Variants in GSK3B observed in about 807,000 individuals in gnomAD.
The protein encoded by GSK3B is glycogen synthase kinase-3 beta.
Under a neutral mutation model 56.4 loss-of-function variants are expected in GSK3B, and 15 were observed. That is an observed-to-expected ratio of 0.27 (90% CI 0.18 to 0.41). The LOEUF is 0.41. GSK3B is among the 10% of genes least tolerant of loss of function. The pLI, the probability that GSK3B is intolerant of heterozygous loss-of-function variation, is 1.00. For synonymous variants in GSK3B, 181 were observed against 188.9 expected, an observed-to-expected ratio of 0.96 and a Z score of 0.34; for missense variants, 300 against 513.4, an observed-to-expected ratio of 0.58 and a Z score of 4.02.
intron 3 of GSK3B, 34 bp from the exon 4 acceptor site, chr3:119,923,517 A>C: frequency 9.8e-7 from 1 of 1,017,400 alleles, no homozygotes; most frequent in East Asian, 2.5e-5. Context: ...CAAAAAACAA[A>C]ACAGATTAGA....
chr3:119,852,334 T>C (rs2108020779), intron 9 of GSK3B, among the ~76,000 whole-genome samples: 2 of 152,046 alleles, frequency 1.3e-5, no homozygotes, highest in South Asian at 4.2e-4. Flanking sequence ...TACTTGAAAA[T>C]CTTATATTCA....
At chr3:119,993,280 T>C (rs9861481) in intron 2 of GSK3B, among the ~76,000 whole-genome samples, 2,757 of 151,652 alleles carry the variant, frequency 0.018, 88 homozygotes, top group African/African-American at 0.063. Context: ...CGAAAAGAAA[T>C]GACACTAGAT....
intron 7 of GSK3B, among the ~76,000 whole-genome samples, chr3:119,880,693 T>TA (rs1040719324): frequency 2.5e-4 from 38 of 152,166 alleles, no homozygotes; most frequent in African/African-American, 9.2e-4. Flanking sequence ...GGAAAGAAAA[T>TA]AAAAAGGTGA....
At chr3:120,088,090 C>T in intron 1 of GSK3B, among the ~76,000 whole-genome samples, 1 of 152,144 alleles carries the variant, frequency 6.6e-6, no homozygotes, top group East Asian at 1.9e-4. Context: ...GACGGGGTTT[C>T]CCCACGTTGG....
intron 2 of GSK3B, among the ~76,000 whole-genome samples, chr3:119,948,410 T>C (rs1204902235): frequency 6.6e-6 from 1 of 152,230 alleles, no homozygotes; most frequent in Non-Finnish European, 1.5e-5. Context: ...TCCTTTAAAC[T>C]GACCTTTCGG....
chr3:120,040,519 T>G (rs2058057349), intron 1 of GSK3B, among the ~76,000 whole-genome samples: 1 of 152,034 alleles, frequency 6.6e-6, no homozygotes, highest in Admixed American at 6.6e-5. Context: ...AAGAAATCAC[T>G]GATACAAAGG....
At chr3:120,035,742 T>A (rs1438673117) in intron 1 of GSK3B, among the ~76,000 whole-genome samples, 2 of 152,248 alleles carry the variant, frequency 1.3e-5, no homozygotes, top group African/African-American at 4.8e-5. Context: ...GATGGCATTA[T>A]AAGTGGAACT....
At chr3:120,040,197 A>G (rs542121957) in intron 1 of GSK3B, among the ~76,000 whole-genome samples, 2 of 152,360 alleles carry the variant, frequency 1.3e-5, no homozygotes, top group East Asian at 3.9e-4. Context: ...GATCACAAGC[A>G]CTACTGCTTG....
intron 1 of GSK3B, among the ~76,000 whole-genome samples, chr3:120,008,936 T>G (rs1416207822): frequency 1.3e-5 from 2 of 152,200 alleles, no homozygotes; most frequent in Non-Finnish European, 2.9e-5. Context: ...TCTATCCATC[T>G]GACAAAGGGC....
At chr3:119,918,614 C>T (rs1021556335) in intron 4 of GSK3B, among the ~76,000 whole-genome samples, 3 of 152,104 alleles carry the variant, frequency 2.0e-5, no homozygotes, top group African/African-American at 7.2e-5. Context: ...AGTGCCAAAC[C>T]AAGAAAAGCA....
intron 2 of GSK3B, among the ~76,000 whole-genome samples, chr3:119,952,992 AAGAC>A (rs1162348373): frequency 1.3e-5 from 2 of 152,190 alleles, no homozygotes; most frequent in African/African-American, 2.4e-5. Context: ...ATTTCATTAA[AAGAC>A]AGAATATGAT....
intron 3 of GSK3B, among the ~76,000 whole-genome samples, chr3:119,925,989 G>C (rs753408509): frequency 6.6e-6 from 1 of 151,952 alleles, no homozygotes; most frequent in Non-Finnish European, 1.5e-5. Context: ...TCACTTCATA[G>C]GACACTATAC....
intron 1 of GSK3B, among the ~76,000 whole-genome samples, chr3:120,017,820 G>T (rs745548930): frequency 5.9e-5 from 9 of 152,162 alleles, no homozygotes; most frequent in Admixed American, 1.3e-4. Flanking sequence ...GCAGATAGCA[G>T]TCTGAAAAAA....
At chr3:119,938,495 T>C (rs1034300807) in intron 3 of GSK3B, among the ~76,000 whole-genome samples, 4 of 151,888 alleles carry the variant, frequency 2.6e-5, no homozygotes, top group South Asian at 2.1e-4. Flanking sequence ...AGAAAATCAA[T>C]GTAATATATC....
In GSK3B at chr3:119,843,259, C is replaced by T. The variant is rs72548719; in HGVS notation, c.1191G>A (p.Ala397=). Residue 397 remains alanine (A), a synonymous_variant, in exon 10 of 11, where the codon GCG becomes GCA. Coordinates refer to ENST00000264235, the MANE Select transcript of GSK3B (RefSeq NM_001146156.2). ...AGAGACTTAGAACGTTCTTACCTGA[C>T]GCTGCTGTGGCATTTGTGGGGGTTG... is the stretch of plus-strand genomic sequence containing the variant. ...AASTPTNATA[A]SDANTGDRGQ... is the part of the protein sequence containing the mutation. 2,516 of 1,597,380 alleles carry T rather than the reference C, an allele frequency of 1.6e-3. 27 individuals are homozygous for T. The African/African-American group carries it at 0.026, about 16-fold the overall frequency.
At chr3:119,881,043 T>A (rs201748799) in intron 7 of GSK3B, among the ~76,000 whole-genome samples, 1 of 152,222 alleles carries the variant, frequency 6.6e-6, no homozygotes, top group African/African-American at 2.4e-5. Flanking sequence ...TTCATAATAA[T>A]AAAATACTGC....
At chr3:119,922,830 CTAGA>C (rs1158844739) in intron 4 of GSK3B, among the ~76,000 whole-genome samples, 1 of 151,992 alleles carries the variant, frequency 6.6e-6, no homozygotes, top group Non-Finnish European at 1.5e-5. Flanking sequence ...ACAAATTATG[CTAGA>C]TAAATACCTA....
At chr3:120,013,298 G>A (rs1397409121) in intron 1 of GSK3B, among the ~76,000 whole-genome samples, 1 of 152,130 alleles carries the variant, frequency 6.6e-6, no homozygotes, top group Non-Finnish European at 1.5e-5. Flanking sequence ...TCTCAAAGCT[G>A]AACATACTTT....
intron 1 of GSK3B, among the ~76,000 whole-genome samples, chr3:120,003,771 G>A (rs1346268936): frequency 6.6e-6 from 1 of 152,180 alleles, no homozygotes; most frequent in African/African-American, 2.4e-5. Flanking sequence ...TGGCATTCAT[G>A]GTCGCTTCCA....
Sources: gnomAD v4.1 joint callset for allele counts (sites outside exome capture counted in the v4.1 genomes callset) on GRCh38, gnomAD v4.1.1 for gene constraint, MANE v1.5 for transcripts, NCBI Gene and HGNC (gene_info 2026-07-23, HGNC 2026-07-21) for gene names.